Variants in CNTNAP4 observed in about 807,000 individuals in gnomAD.
CNTNAP4 encodes the protein contactin-associated protein-like 4.
A neutral mutation model predicts 148.4 loss-of-function variants in CNTNAP4; 98 were observed. The observed-to-expected ratio is 0.66, with a 90% CI of 0.56 to 0.78. The LOEUF (loss-of-function observed/expected upper bound fraction) is 0.78, where lower values mean the gene tolerates loss of function less well. CNTNAP4 is among the 30% of genes least tolerant of loss of function. CNTNAP4 has a pLI of 0.00. For missense variants in CNTNAP4, 1,935 were observed against 1,565.6 expected, an observed-to-expected ratio of 1.24 and a Z score of -3.98; for synonymous variants, 730 against 565.1, an observed-to-expected ratio of 1.29 and a Z score of -4.14.
chr16:76,376,642 T>C (rs998078001), intron 3 of CNTNAP4, among the ~76,000 whole-genome samples: 1 of 152,210 alleles, frequency 6.6e-6, no homozygotes, highest in Non-Finnish European at 1.5e-5. Flanking sequence ...CTGTGCAGAC[T>C]GTGATATGGC....
At chr16:76,435,207 TTC>T (rs1163080210) in intron 4 of CNTNAP4, among the ~76,000 whole-genome samples, 4 of 152,148 alleles carry the variant, frequency 2.6e-5, no homozygotes, top group African/African-American at 9.7e-5. Context: ...AGGGCTGTGA[TTC>T]TCTGTTTTTA....
chr16:76,316,380 C>T, intron 1 of CNTNAP4, 33 bp from the exon 2 acceptor site: 1 of 1,458,190 alleles, frequency 6.9e-7, no homozygotes. Context: ...TCAGCACTAA[C>T]TAACCCTAAC....
chr16:76,322,914 A>G (rs1013417128), intron 2 of CNTNAP4, among the ~76,000 whole-genome samples: 2 of 151,700 alleles, frequency 1.3e-5, no homozygotes, highest in African/African-American at 4.8e-5. Context: ...AGCTCACTGC[A>G]ACCTCTGCCT....
At chr16:76,410,794 T>G (rs1038876428) in intron 3 of CNTNAP4, among the ~76,000 whole-genome samples, 15 of 151,856 alleles carry the variant, frequency 9.9e-5, no homozygotes, top group Admixed American at 3.3e-4. Flanking sequence ...TTTGGTAAAA[T>G]TTAAAGTTGG....
At chr16:76,462,709 A>G (rs905056457) in intron 9 of CNTNAP4, among the ~76,000 whole-genome samples, 2 of 152,210 alleles carry the variant, frequency 1.3e-5, no homozygotes, top group Non-Finnish European at 2.9e-5. Context: ...AAGCCTGGAA[A>G]AGAAAACCTA....
intron 2 of CNTNAP4, among the ~76,000 whole-genome samples, chr16:76,328,888 A>G (rs551430447): frequency 6.6e-6 from 1 of 152,182 alleles, no homozygotes; most frequent in Admixed American, 6.5e-5. Flanking sequence ...CAGGTGATCC[A>G]CCTGCCTCAG....
At chr16:76,475,891 A>C (rs765145641) in intron 10 of CNTNAP4, 48 bp from the exon 11 acceptor site, 1 of 1,328,180 alleles carries the variant, frequency 7.5e-7, no homozygotes, top group Non-Finnish European at 1.1e-6. Flanking sequence ...CAATACTTTA[A>C]GATATCTAAA....
At chr16:76,315,960 TTTTGTTTTAC>T (rs1421357796) in intron 1 of CNTNAP4, among the ~76,000 whole-genome samples, 5 of 152,152 alleles carry the variant, frequency 3.3e-5, no homozygotes, top group Admixed American at 3.3e-4. Flanking sequence ...TAAAGGTGGT[TTTTGTTTTAC>T]TTTATTTTGT....
At position 76,277,602 on chromosome 16, in the gene CNTNAP4, G is replaced by A; in HGVS notation, c.-61G>A. The A allele has an allele frequency of 1.7e-6, 2 of 1,146,970 alleles. No homozygotes were observed. Among genetic ancestry groups the A allele is most frequent in the African/African-American group, 1.5e-5 (1 of 65,466 alleles). The allele number at this position is 1,146,970 out of a possible 1,614,324, so 71.0% of individuals were successfully genotyped here. On this transcript the variant is annotated 5_prime_UTR_variant, in exon 1 of 24. Coordinates refer to ENST00000611870, the MANE Select transcript of CNTNAP4 (RefSeq NM_033401.5). ...ACAGAGCTGGCAGAGCTACTGAGAA[G>A]AGGACTGGAGCGCTCTGAGAGCCTC...
chr16:76,369,279 T>G (rs1443974469), intron 3 of CNTNAP4, among the ~76,000 whole-genome samples: 4 of 152,196 alleles, frequency 2.6e-5, no homozygotes, highest in Non-Finnish European at 4.4e-5. Context: ...TAATTTTTCT[T>G]TAAAATTTTT....
chr16:76,328,214 A>G (rs1159053040), intron 2 of CNTNAP4, among the ~76,000 whole-genome samples: 3 of 152,228 alleles, frequency 2.0e-5, no homozygotes, highest in Non-Finnish European at 4.4e-5. Flanking sequence ...TTGGTGATCA[A>G]AGTTAATCAG....
At chr16:76,380,812 G>A (rs527719126) in intron 3 of CNTNAP4, among the ~76,000 whole-genome samples, 14 of 152,234 alleles carry the variant, frequency 9.2e-5, no homozygotes, top group Non-Finnish European at 1.5e-4. Flanking sequence ...GAACCACTGC[G>A]TGCTCAGGAA....
At chr16:76,412,391 A>G (rs1055096198) in intron 3 of CNTNAP4, among the ~76,000 whole-genome samples, 1 of 151,398 alleles carries the variant, frequency 6.6e-6, no homozygotes, top group African/African-American at 2.4e-5. Flanking sequence ...GCCAACTCAT[A>G]AAAAATGTAT....
intron 2 of CNTNAP4, among the ~76,000 whole-genome samples, chr16:76,323,848 T>C (rs1962689308): frequency 6.6e-6 from 1 of 152,192 alleles, no homozygotes; most frequent in African/African-American, 2.4e-5. Context: ...TCCTAAGTAA[T>C]GTGTAGTTCT....
chr16:76,437,377 A>G (rs1361209388), intron 4 of CNTNAP4, among the ~76,000 whole-genome samples: 1 of 152,240 alleles, frequency 6.6e-6, no homozygotes, highest in East Asian at 1.9e-4. Flanking sequence ...TAATCATTAC[A>G]TGGAGTTATA....
intron 7 of CNTNAP4, among the ~76,000 whole-genome samples, chr16:76,451,676 T>C: frequency 6.8e-6 from 1 of 146,384 alleles, no homozygotes; most frequent in African/African-American, 2.5e-5. Context: ...GCAAGGACCA[T>C]TCACTCTTCA....
At position 76,560,099 on chromosome 16, in the gene CNTNAP4, C is replaced by A. The variant is rs563975124; in HGVS notation, c.*1416C>A. Reference sequence around the variant, plus strand: ...TACAATAATTAATCTTGAGACCATGCATACAAGGAACTATCTTTGAATTCT... The same window carrying A: ...TACAATAATTAATCTTGAGACCATGAATACAAGGAACTATCTTTGAATTCT... On this transcript the variant is annotated 3_prime_UTR_variant, in exon 24 of 24. Coordinates refer to ENST00000611870, the MANE Select transcript of CNTNAP4 (RefSeq NM_033401.5). Among the ~76,000 whole-genome samples the A allele has an allele frequency of 6.6e-6, 1 of 152,210 alleles. No individual in the cohort carries two copies. Among genetic ancestry groups the A allele is most frequent in the Admixed American group, 6.5e-5 (1 of 15,284 alleles).
At chr16:76,327,220 G>A (rs73625321) in intron 2 of CNTNAP4, among the ~76,000 whole-genome samples, 5,661 of 152,226 alleles carry the variant, frequency 0.037, 364 homozygotes, top group African/African-American at 0.13. Context: ...CTCCTGTCTT[G>A]TATTCCTCAG....
intron 2 of CNTNAP4, among the ~76,000 whole-genome samples, chr16:76,338,544 C>G (rs1964205247): frequency 6.6e-6 from 1 of 152,182 alleles, no homozygotes; most frequent in Non-Finnish European, 1.5e-5. Context: ...GTTTCTGCTT[C>G]CCTAACCATT....
Sources: allele counts gnomAD v4.1 joint callset (sites outside exome capture counted in the v4.1 genomes callset), GRCh38; gene constraint gnomAD v4.1.1; transcripts MANE v1.5; gene names NCBI Gene and HGNC (gene_info 2026-07-23, HGNC 2026-07-21).